MAP3K2: variants seen among roughly 807,000 people sequenced by gnomAD.
MAP3K2 encodes mitogen-activated protein kinase kinase kinase 2, also known as MAP/ERK kinase kinase 2.
Under a neutral mutation model 80.3 loss-of-function variants are expected in MAP3K2, and 24 were observed. The ratio of observed to expected loss-of-function variants is 0.30; its 90% CI spans 0.22 to 0.42. The LOEUF is 0.42. Among genes scored for constraint, MAP3K2 ranks in the 10% least tolerant of loss-of-function variants. MAP3K2 has a pLI of 1.00. For missense variants in MAP3K2, 608 were observed against 750.1 expected (o/e 0.81, Z 2.21); for synonymous variants, 244 against 253.7 (o/e 0.96, Z 0.36).
At position 127,321,518 on chromosome 2, in the gene MAP3K2, A is replaced by G. The variant is rs1263136351; in HGVS notation, c.1045+528T>C. ...TCTTTGTATGCACTGCTTACACAGT[A>G]AGGTCTGAATGCTTTGCAATCCAGC... is the stretch of plus-strand genomic sequence containing the variant. On this transcript the variant is annotated intron_variant, in intron 12 of 16. Coordinates refer to ENST00000682094, the MANE Select transcript of MAP3K2 (RefSeq NM_001371910.2). The surrounding 1 kb of genome is among the most constrained non-coding windows in gnomAD (Gnocchi z 4.4). Among the ~76,000 whole-genome samples the G allele has an allele frequency of 6.6e-6, 1 of 152,232 alleles. No homozygotes were observed. Among genetic ancestry groups the G allele is most frequent in the African/African-American group, 2.4e-5 (1 of 41,456 alleles).
intron 1 of MAP3K2, among the ~76,000 whole-genome samples, chr2:127,349,254 T>C (rs1054116934): frequency 6.6e-6 from 1 of 152,070 alleles, no homozygotes; most frequent in Non-Finnish European, 1.5e-5. Flanking sequence ...TCAACTTCCC[T>C]GACTCAAGTG....
chr2:127,300,401 T>C lies in MAP3K2; in HGVS notation c.*7178A>G, dbSNP rs544425108. The C allele has an allele frequency of 4.1e-4, 62 of 152,268 alleles. No homozygotes were observed. The highest frequency in any genetic ancestry group is 1.3e-3 in the African/African-American group (56 of 41,570). The allele number at this position is 152,268 out of a possible 1,614,324, so 9.4% of individuals were successfully genotyped here. On this transcript the variant is annotated 3_prime_UTR_variant, in exon 17 of 17. Transcript: ENST00000682094. The stretch of plus-strand genomic sequence containing the variant: ...TAGAGAGAAACCAATAGGTTAAATA[T>C]AGAGAATTTAATGGCTACATTTAAA...
At chr2:127,315,223 C>A (rs1388111909) in intron 14 of MAP3K2, among the ~76,000 whole-genome samples, 3 of 152,150 alleles carry the variant, frequency 2.0e-5, no homozygotes, top group Non-Finnish European at 2.9e-5. Flanking sequence ...GGTGCCATCT[C>A]TGAGAAAGCT....
chr2:127,337,110 C>T (rs567386209), intron 4 of MAP3K2, among the ~76,000 whole-genome samples: 4 of 152,156 alleles, frequency 2.6e-5, no homozygotes, highest in African/African-American at 7.2e-5. Context: ...CCATTGCACT[C>T]CAGCCTGGGC....
intron 1 of MAP3K2, among the ~76,000 whole-genome samples, chr2:127,355,255 T>C (rs1206736126): frequency 6.6e-6 from 1 of 152,098 alleles, no homozygotes; most frequent in Non-Finnish European, 1.5e-5. Context: ...CATCACAAAC[T>C]GCTTAAAAAA....
rs1186395042 is a variant in MAP3K2, at chr2:127,387,948, C to T, written c.-562G>A. ...GCGCCGCCGCTGAGGGCAGGCAGCCCGGCAGCCACTACACACGGACCCGTG... is the reference window on the plus strand; with the variant it reads ...GCGCCGCCGCTGAGGGCAGGCAGCCTGGCAGCCACTACACACGGACCCGTG... On this transcript the variant is annotated 5_prime_UTR_variant, in exon 1 of 17. Transcript: ENST00000682094. 51 of 984,590 alleles carry T rather than the reference C, an allele frequency of 5.2e-5. No homozygotes were observed. Among genetic ancestry groups the T allele is most frequent in the Non-Finnish European group, 6.0e-5 (50 of 829,698 alleles). The allele number at this position is 984,590 out of a possible 1,614,324, so 61.0% of individuals were successfully genotyped here.
chr2:127,316,141 G>A (rs1235162693), intron 14 of MAP3K2, among the ~76,000 whole-genome samples: 1 of 150,342 alleles, frequency 6.7e-6, no homozygotes, highest in African/African-American at 2.4e-5. Flanking sequence ...GGGAGGTCGA[G>A]GCAGGCGGGA....
At chr2:127,362,276 T>A (rs948643347) in intron 1 of MAP3K2, among the ~76,000 whole-genome samples, 1 of 152,272 alleles carries the variant, frequency 6.6e-6, no homozygotes, top group African/African-American at 2.4e-5. Flanking sequence ...TTTCTTTACT[T>A]GTAATATGGA....
intron 1 of MAP3K2, among the ~76,000 whole-genome samples, chr2:127,349,193 C>T (rs1024546538): frequency 3.3e-5 from 5 of 151,552 alleles, no homozygotes; most frequent in Admixed American, 6.6e-5. Flanking sequence ...CAGGGTCTCA[C>T]TTTGTTGCCC....
intron 5 of MAP3K2, among the ~76,000 whole-genome samples, chr2:127,335,048 G>A (rs1041432457): frequency 3.3e-5 from 5 of 152,152 alleles, no homozygotes; most frequent in South Asian, 2.1e-4. Context: ...GATTACAAGC[G>A]TGAGCAACCA....
chr2:127,354,119 G>T (rs1378796807), intron 1 of MAP3K2, among the ~76,000 whole-genome samples: 1 of 151,506 alleles, frequency 6.6e-6, no homozygotes, highest in Admixed American at 6.6e-5. Flanking sequence ...AGGCCGCAGG[G>T]TCCTCTGCCT....
Position 127,326,808 on chromosome 2 carries a change from C to G in MAP3K2, c.476G>C (p.Ser159Thr). 6.4e-7 allele frequency: 1 copy of G among 1,563,290 alleles called. No individual in the cohort carries two copies. The change falls in exon 8 of 17, where the codon AGT (serine) becomes ACT (threonine). Residue 159 changes from serine (S) to threonine (T), a missense_variant. Around this residue, in one of 4 missense-constraint regions of MAP3K2, gnomAD observed 467 missense variants for 521.9 expected, o/e 0.89. Coordinates refer to ENST00000682094, the MANE Select transcript of MAP3K2 (RefSeq NM_001371910.2). ...TGGGGGAGGAGAACTTCTATCTCTA[C>G]TAGTAGGACCTCAAGGAAGAAAAAT... is the stretch of plus-strand genomic sequence containing the variant. Reference protein sequence around the residue: ...KKRLSIIGPTSRDRSSPPPGY... With the variant: ...KKRLSIIGPTTRDRSSPPPGY...
At chr2:127,346,831 T>C (rs1686603826) in intron 1 of MAP3K2, among the ~76,000 whole-genome samples, 1 of 151,228 alleles carries the variant, frequency 6.6e-6, no homozygotes, top group African/African-American at 2.4e-5. Context: ...CTACTAAAAA[T>C]ACAAAAATTA....
intron 12 of MAP3K2, among the ~76,000 whole-genome samples, chr2:127,318,736 T>G (rs959633265): frequency 1.3e-5 from 2 of 152,196 alleles, no homozygotes; most frequent in Non-Finnish European, 2.9e-5. Flanking sequence ...AAGAGAAATC[T>G]GGGTAATCTA....
At position 127,322,858 on chromosome 2, in the gene MAP3K2, G is replaced by A. The variant is rs1420508364; in HGVS notation, c.839-606C>T. Among the ~76,000 whole-genome samples, 3 of 151,572 alleles carry A rather than the reference G, an allele frequency of 2.0e-5. No homozygotes were observed. Among genetic ancestry groups the A allele is most frequent in the East Asian group, 2.0e-4 (1 of 5,054 alleles). On this transcript the variant is annotated intron_variant, in intron 11 of 16. Coordinates refer to ENST00000682094, the MANE Select transcript of MAP3K2 (RefSeq NM_001371910.2). The surrounding 1 kb of genome is among the most constrained non-coding windows in gnomAD (Gnocchi z 4.2). ...GATCCACCCGCCTCGGCCTCCCAAA[G>A]TGCTGGGATTACAGGCATGAGCCAC...
At chr2:127,332,086 A>T (rs1350825459) in intron 5 of MAP3K2, among the ~76,000 whole-genome samples, 2 of 152,200 alleles carry the variant, frequency 1.3e-5, no homozygotes, top group African/African-American at 4.8e-5. Context: ...TTTTCGCTCT[A>T]TGAGAATTTT....
chr2:127,330,468 T>C lies in MAP3K2; in HGVS notation c.302A>G (p.Lys101Arg), dbSNP rs1315744467. The C allele has an allele frequency of 1.9e-6, 3 of 1,609,070 alleles. No homozygotes were observed. The highest frequency in any genetic ancestry group is 2.5e-6 in the Non-Finnish European group (3 of 1,177,222). ...ACTACGATCCAGCAGTTCCACAGCT[T>C]TGTCCAAGTCATCTTGAGTAGTTAA... ...IPLTTQDDLD[K>R]AVELLDRSIH... Residue 101 changes from lysine to arginine, a missense_variant, in exon 6 of 17, where the codon AAA becomes AGA. Lys to Arg is a conservative substitution (Grantham distance 26, BLOSUM62 2). This residue lies in a region of MAP3K2 where 467 missense variants were observed against 521.9 expected (regional missense o/e 0.89). Coordinates refer to ENST00000682094, the MANE Select transcript of MAP3K2 (RefSeq NM_001371910.2).
intron 11 of MAP3K2, among the ~76,000 whole-genome samples, chr2:127,323,219 A>G (rs1440319187): frequency 6.6e-6 from 1 of 151,876 alleles, no homozygotes; most frequent in Non-Finnish European, 1.5e-5. Flanking sequence ...CCTGGCCAAC[A>G]TGGCAAAACC....
chr2:127,313,377 C>T (rs1490091982), intron 15 of MAP3K2, among the ~76,000 whole-genome samples: 2 of 152,160 alleles, frequency 1.3e-5, no homozygotes, highest in Non-Finnish European at 2.9e-5. Flanking sequence ...GCCTAAGATG[C>T]GTAGATCATG....
Sources: allele counts gnomAD v4.1 joint callset (sites outside exome capture counted in the v4.1 genomes callset), GRCh38; gene constraint gnomAD v4.1.1; regional missense constraint gnomAD v4.1.1; non-coding constraint Gnocchi (gnomAD v3.1); transcripts MANE v1.5; gene names NCBI Gene and HGNC (gene_info 2026-07-23, HGNC 2026-07-21).